FCHSD2: variants seen among roughly 807,000 people sequenced by gnomAD.
The protein encoded by FCHSD2 is FCH and double SH3 domains 2.
A neutral mutation model predicts 108.1 loss-of-function variants in FCHSD2; 38 were observed. That is an observed-to-expected ratio of 0.35 (90% confidence interval 0.27 to 0.46). The LOEUF is 0.46. Among genes scored for constraint, FCHSD2 ranks in the 20% least tolerant of loss-of-function variants. The probability of loss-of-function intolerance (pLI) is 1.00; values close to 1 mark genes in which losing one functional copy is unlikely to be tolerated. For missense variants in FCHSD2, 751 were observed against 897.8 expected (o/e 0.84, Z 2.09); for synonymous variants, 279 against 314.7 (o/e 0.89, Z 1.20).
At chr11:72,995,158 T>C (rs2135411503) in intron 5 of FCHSD2, among the ~76,000 whole-genome samples, 1 of 152,222 alleles carries the variant, frequency 6.6e-6, no homozygotes, top group East Asian at 1.9e-4. Context: ...GTGTCAGTAC[T>C]TCATTCCTTT....
chr11:72,982,458 A>G (rs1204929732), intron 8 of FCHSD2, among the ~76,000 whole-genome samples: 1 of 152,254 alleles, frequency 6.6e-6, no homozygotes, highest in Non-Finnish European at 1.5e-5. Flanking sequence ...TGGGTTGAAA[A>G]TAAGAAAAAA....
intron 2 of FCHSD2, among the ~76,000 whole-genome samples, chr11:73,090,219 C>CTTTTTTTT (rs59603567): frequency 6.5e-5 from 5 of 77,024 alleles, no homozygotes; most frequent in Non-Finnish European, 6.9e-5. Context: ...TACAATACTT[C>CTTTTTTTT]TTTTTTTTTT....
chr11:72,906,055 A>G (rs1259223049), intron 9 of FCHSD2, among the ~76,000 whole-genome samples: 1 of 152,190 alleles, frequency 6.6e-6, no homozygotes, highest in Non-Finnish European at 1.5e-5. Flanking sequence ...ACTCCCACCA[A>G]CAGTGTAAAA....
chr11:72,953,224 C>T (rs1856649850), intron 8 of FCHSD2, among the ~76,000 whole-genome samples: 1 of 152,168 alleles, frequency 6.6e-6, no homozygotes, highest in Non-Finnish European at 1.5e-5. Context: ...GCATGACAAG[C>T]ATTAGAAACT....
chr11:72,841,303 C>T (rs1860925732), intron 18 of FCHSD2, 151 bp downstream of exon 18: 7 of 796,444 alleles, frequency 8.8e-6, no homozygotes, highest in Admixed American at 3.1e-5. Context: ...TGAACTCCAG[C>T]CTGGGTGTCC....
At chr11:73,102,004 A>G (rs147801880) in intron 2 of FCHSD2, among the ~76,000 whole-genome samples, 2 of 152,186 alleles carry the variant, frequency 1.3e-5, no homozygotes, top group African/African-American at 4.8e-5. Context: ...ACCCAGATAA[A>G]ATCCAATGCT....
At chr11:73,139,462 G>A (rs1861196965) in intron 2 of FCHSD2, among the ~76,000 whole-genome samples, 1 of 152,160 alleles carries the variant, frequency 6.6e-6, no homozygotes, top group African/African-American at 2.4e-5. Flanking sequence ...GAAAGATACT[G>A]ATTTTCACAA....
At chr11:72,947,580 G>T (rs765098748) in intron 8 of FCHSD2, among the ~76,000 whole-genome samples, 10 of 152,166 alleles carry the variant, frequency 6.6e-5, no homozygotes, top group Non-Finnish European at 1.0e-4. Context: ...AAGATTAATA[G>T]CCACACCACT....
At chr11:72,953,378 A>C (rs1591430863) in intron 8 of FCHSD2, among the ~76,000 whole-genome samples, 1 of 152,220 alleles carries the variant, frequency 6.6e-6, no homozygotes, top group East Asian at 1.9e-4. Context: ...CTGCTTTCTG[A>C]AATATCTACA....
intron 10 of FCHSD2, among the ~76,000 whole-genome samples, chr11:72,896,041 T>C (rs954832347): frequency 6.6e-6 from 1 of 152,238 alleles, no homozygotes; most frequent in African/African-American, 2.4e-5. Flanking sequence ...ATTTTTTTAA[T>C]AGATGCATAA....
chr11:73,044,508 T>C (rs543060962), intron 3 of FCHSD2, among the ~76,000 whole-genome samples: 3 of 152,202 alleles, frequency 2.0e-5, no homozygotes, highest in South Asian at 2.1e-4. Context: ...GCCCAGGAGT[T>C]TGAGGCTGCA....
intron 8 of FCHSD2, among the ~76,000 whole-genome samples, chr11:72,953,242 T>C (rs1389198588): frequency 6.6e-6 from 1 of 152,216 alleles, no homozygotes; most frequent in Non-Finnish European, 1.5e-5. Context: ...ACTAAGGTAG[T>C]GAGGTAAACT....
intron 3 of FCHSD2, among the ~76,000 whole-genome samples, chr11:73,035,578 A>T (rs1327396968): frequency 2.0e-5 from 3 of 152,146 alleles, no homozygotes; most frequent in African/African-American, 7.2e-5. Context: ...CACTTGGCCC[A>T]ATGTATGGCA....
chr11:73,015,773 G>A (rs762337893), intron 4 of FCHSD2, 36 bp downstream of exon 4: 72 of 1,351,080 alleles, frequency 5.3e-5, no homozygotes, highest in East Asian at 3.3e-4. Flanking sequence ...AAGTAAAACC[G>A]TTTCTAAAGA....
intron 2 of FCHSD2, among the ~76,000 whole-genome samples, chr11:73,095,214 A>G (rs1860047380): frequency 1.3e-5 from 2 of 152,204 alleles, no homozygotes; most frequent in African/African-American, 2.4e-5. Flanking sequence ...ATAAAATAAG[A>G]ATAAAAAGAA....
intron 8 of FCHSD2, among the ~76,000 whole-genome samples, chr11:72,923,426 G>A (rs1397448491): frequency 6.6e-6 from 1 of 151,890 alleles, no homozygotes; most frequent in Non-Finnish European, 1.5e-5. Flanking sequence ...CAATGTATGA[G>A]GGTTCAAATT....
intron 14 of FCHSD2, among the ~76,000 whole-genome samples, chr11:72,846,387 G>C (rs1327907764): frequency 2.0e-5 from 3 of 152,114 alleles, no homozygotes; most frequent in South Asian, 4.2e-4. Flanking sequence ...TCACCATGTT[G>C]GTCAGGCTGG....
chr11:72,929,191 G>A lies in FCHSD2; in HGVS notation c.706-7241C>T, dbSNP rs568974951. ...AATGCCGCTATAAACATACGTGTGCGTGTGTCTTTATAGCAGCATGATTTA... is the reference window on the plus strand; with the variant it reads ...AATGCCGCTATAAACATACGTGTGCATGTGTCTTTATAGCAGCATGATTTA... On this transcript the variant is annotated intron_variant, in intron 8 of 19. Coordinates refer to ENST00000409418, the MANE Select transcript of FCHSD2 (RefSeq NM_014824.3). Among the ~76,000 whole-genome samples, 28 of 151,962 alleles carry A rather than the reference G, an allele frequency of 1.8e-4. No homozygotes were observed. In the East Asian group the frequency reaches 2.1e-3, roughly 12 times the overall value.
intron 9 of FCHSD2, among the ~76,000 whole-genome samples, chr11:72,908,228 C>T (rs1855675606): frequency 6.6e-6 from 1 of 152,130 alleles, no homozygotes; most frequent in African/African-American, 2.4e-5. Context: ...TTTTTCATGG[C>T]TGAATAATAC....
Sources: allele counts gnomAD v4.1 joint callset (sites outside exome capture counted in the v4.1 genomes callset), GRCh38; gene constraint gnomAD v4.1.1; transcripts MANE v1.5; gene names NCBI Gene and HGNC (gene_info 2026-07-23, HGNC 2026-07-21).